The following ST8SIA4 variants were observed in gnomAD, a reference collection of about 807,000 sequenced individuals.
The protein encoded by ST8SIA4 is CMP-N-acetylneuraminate-poly-alpha-2,8-sialyltransferase.
A neutral mutation model predicts 33.9 loss-of-function variants in ST8SIA4; 15 were observed. The ratio of observed to expected loss-of-function variants is 0.44; its 90% CI spans 0.30 to 0.68. ST8SIA4 has a LOEUF of 0.68. Ranked by LOEUF, ST8SIA4 falls within the 30% of genes least tolerant of loss-of-function variation. The pLI is 0.10. For synonymous variants in ST8SIA4, 171 were observed against 151.2 expected (o/e 1.13, Z -0.96); for missense variants, 321 against 428.0 (o/e 0.75, Z 2.21).
At chr5:100,886,156 A>C in intron 3 of ST8SIA4, 187 bp downstream of exon 3, 2 of 1,379,178 alleles carry the variant, frequency 1.5e-6, no homozygotes, top group South Asian at 3.4e-5. Flanking sequence ...TTTTTCTTTC[A>C]ACTACGCAAT....
rs1483598247 is a variant in ST8SIA4, at chr5:100,849,590, G to A, written c.797+6513C>T. The A allele has an allele frequency of 9.5e-6, 3 of 316,452 alleles. No homozygotes were observed. The Admixed American group carries it at 2.0e-4, about 21-fold the overall frequency. The allele number at this position is 316,452 out of a possible 1,614,324, so 19.6% of individuals were successfully genotyped here. ...TGAGGTTGCAGTTCGAGAGCAGCCT[G>A]GCCAACATGGTGAAACCCCATCCCT... On this transcript the variant is annotated intron_variant, in intron 4 of 4. Coordinates refer to ENST00000231461, the MANE Select transcript of ST8SIA4 (RefSeq NM_005668.6).
intron 3 of ST8SIA4, among the ~76,000 whole-genome samples, chr5:100,860,283 G>T (rs564825899): frequency 2.1e-4 from 32 of 152,108 alleles, no homozygotes; most frequent in Admixed American, 4.6e-4. Context: ...TGCTTCCTGT[G>T]CTAACTGACA....
At chr5:100,848,486 C>T (rs3995470) in intron 4 of ST8SIA4, among the ~76,000 whole-genome samples, 20,072 of 149,412 alleles carry the variant, frequency 0.13, 1,752 homozygotes, top group East Asian at 0.39. Context: ...CATATATACA[C>T]ACAGAGTATA....
chr5:100,846,016 G>C (rs1040489287), intron 4 of ST8SIA4, among the ~76,000 whole-genome samples: 17 of 151,798 alleles, frequency 1.1e-4, no homozygotes, highest in Non-Finnish European at 2.1e-4. Flanking sequence ...AACACCACAG[G>C]CAGGTAAAAT....
chr5:100,864,063 T>C (rs1226043903), intron 3 of ST8SIA4, among the ~76,000 whole-genome samples: 1 of 152,104 alleles, frequency 6.6e-6, no homozygotes, highest in Non-Finnish European at 1.5e-5. Flanking sequence ...GCACTTGTTT[T>C]TTCAAGAAAG....
intron 3 of ST8SIA4, among the ~76,000 whole-genome samples, chr5:100,872,384 C>T (rs1253618997): frequency 6.6e-6 from 1 of 151,884 alleles, no homozygotes; most frequent in Non-Finnish European, 1.5e-5. Context: ...ATATACAATA[C>T]ATTGTAACTT....
chr5:100,849,468 C>G (rs541020845), intron 4 of ST8SIA4: 3 of 985,082 alleles, frequency 3.0e-6, no homozygotes, highest in African/African-American at 1.7e-5. Context: ...CTGCAAAATA[C>G]ATATGTGAGC....
intron 4 of ST8SIA4, among the ~76,000 whole-genome samples, chr5:100,848,431 ATATC>A (rs1324162140): frequency 1.3e-5 from 2 of 150,368 alleles, no homozygotes; most frequent in Non-Finnish European, 1.5e-5. Context: ...TATTTACAGT[ATATC>A]TATATATGTG....
chr5:100,846,323 C>T (rs573372295), intron 4 of ST8SIA4, among the ~76,000 whole-genome samples: 5 of 152,078 alleles, frequency 3.3e-5, no homozygotes, highest in African/African-American at 4.8e-5. Flanking sequence ...TTCAGCACAA[C>T]TTTGCCCATT....
intron 4 of ST8SIA4, among the ~76,000 whole-genome samples, chr5:100,851,366 T>C (rs566463544): frequency 5.9e-5 from 9 of 151,968 alleles, no homozygotes; most frequent in Non-Finnish European, 1.0e-4. Flanking sequence ...CTCTCATTTT[T>C]CCTATAATTT....
chr5:100,856,432 A>T, intron 3 of ST8SIA4, 36 bp from the exon 4 acceptor site: 1 of 1,556,804 alleles, frequency 6.4e-7, no homozygotes, highest in Non-Finnish European at 8.7e-7. Flanking sequence ...AAATGAAAAA[A>T]AAAGAAATAT....
chr5:100,870,067 A>G (rs1561400637), intron 3 of ST8SIA4, among the ~76,000 whole-genome samples: 2 of 152,182 alleles, frequency 1.3e-5, no homozygotes, highest in East Asian at 1.9e-4. Flanking sequence ...TCATTGTTCA[A>G]TTCCCACGTA....
intron 4 of ST8SIA4, among the ~76,000 whole-genome samples, chr5:100,831,109 G>A (rs1022894378): frequency 5.3e-5 from 8 of 152,248 alleles, no homozygotes; most frequent in Admixed American, 5.2e-4. Flanking sequence ...GAGGTAATTA[G>A]TTACATTATA....
intron 4 of ST8SIA4, among the ~76,000 whole-genome samples, chr5:100,831,862 T>C (rs886563733): frequency 6.6e-6 from 1 of 152,202 alleles, no homozygotes; most frequent in South Asian, 2.1e-4. Flanking sequence ...GTTTGTGTTA[T>C]GGGGAGAGGG....
intron 4 of ST8SIA4, among the ~76,000 whole-genome samples, chr5:100,820,519 G>A (rs1751014355): frequency 6.6e-6 from 1 of 151,862 alleles, no homozygotes; most frequent in Admixed American, 6.6e-5. Context: ...TATAAAACAT[G>A]ATGTTTTGAT....
Position 100,856,356 on chromosome 5 carries a change from C to T in ST8SIA4, c.544G>A (p.Gly182Arg). Reference protein sequence around the residue: ...APVVEFAADVGTKSDFITMNP... With the variant: ...APVVEFAADVRTKSDFITMNP... ...ATGGTAATAAAATCTGATTTAGTTCCCACATCTGCAGCAAACTCCACCACA... is the reference window on the plus strand; with the variant it reads ...ATGGTAATAAAATCTGATTTAGTTCTCACATCTGCAGCAAACTCCACCACA... The change falls in exon 4 of 5, where the codon GGA (glycine) becomes AGA (arginine). Residue 182 changes from glycine to arginine, a missense_variant. Gly to Arg is a moderately radical substitution (Grantham distance 125). Transcript: ENST00000231461. 6.2e-7 allele frequency: 1 copy of T among 1,613,844 alleles called. No individual in the cohort carries two copies. The highest frequency in any genetic ancestry group is 1.1e-5 in the South Asian group (1 of 91,062).
intron 4 of ST8SIA4, among the ~76,000 whole-genome samples, chr5:100,833,026 T>C (rs976579124): frequency 6.6e-6 from 1 of 152,174 alleles, no homozygotes; most frequent in Non-Finnish European, 1.5e-5. Context: ...TCAGGTAATA[T>C]ACATCGTGCT....
chr5:100,866,627 A>G (rs1476992196), intron 3 of ST8SIA4, among the ~76,000 whole-genome samples: 1 of 151,832 alleles, frequency 6.6e-6, no homozygotes, highest in East Asian at 1.9e-4. Context: ...CATATTATAT[A>G]TATGTTTACA....
chr5:100,870,689 G>A (rs1175035574), intron 3 of ST8SIA4, among the ~76,000 whole-genome samples: 2 of 151,970 alleles, frequency 1.3e-5, no homozygotes, highest in Admixed American at 1.3e-4. Flanking sequence ...TGTGAGGAGT[G>A]ACATAATTAG....
Sources: allele counts gnomAD v4.1 joint callset (sites outside exome capture counted in the v4.1 genomes callset), GRCh38; gene constraint gnomAD v4.1.1; transcripts MANE v1.5; gene names NCBI Gene and HGNC (gene_info 2026-07-23, HGNC 2026-07-21).